Variants in MTSS1 observed in about 807,000 individuals in gnomAD.
MTSS1 encodes the protein MTSS I-BAR domain containing 1, also known as protein MTSS 1.
MTSS1 carries 18 observed loss-of-function variants against 79.0 expected under a neutral mutation model. The ratio of observed to expected loss-of-function variants is 0.23; its 90% CI spans 0.16 to 0.34. MTSS1 has a LOEUF of 0.34. Among genes scored for constraint, MTSS1 ranks in the 10% least tolerant of loss-of-function variants. MTSS1 has a pLI of 1.00. For missense variants in MTSS1, 815 were observed against 986.2 expected (o/e 0.83, Z 2.33); for synonymous variants, 341 against 368.6 (o/e 0.93, Z 0.86).
In MTSS1 at chr8:124,654,168, C is replaced by T. The variant is rs142866828; in HGVS notation, c.208+45358G>A. On this transcript the variant is annotated intron_variant, in intron 3 of 13. Coordinates refer to ENST00000518547, the MANE Select transcript of MTSS1 (RefSeq NM_014751.6). ...GAGGAGCAAGTTCCTCAAGCCTCGA[C>T]TCCAAAGAAAGGAGGGACAGGCCTG... Among the ~76,000 whole-genome samples the T allele has an allele frequency of 3.9e-5, 6 of 152,316 alleles. No individual in the cohort carries two copies. In the East Asian group the frequency reaches 1.2e-3, roughly 29 times the overall value.
At chr8:124,637,779 A>G (rs1392161763) in intron 3 of MTSS1, among the ~76,000 whole-genome samples, 15 of 152,238 alleles carry the variant, frequency 9.9e-5, no homozygotes, top group Non-Finnish European at 2.9e-5. Context: ...CAAGCTAAAC[A>G]GCTGTTTTTT....
At chr8:124,645,308 G>A (rs972464901) in intron 3 of MTSS1, among the ~76,000 whole-genome samples, 1 of 152,182 alleles carries the variant, frequency 6.6e-6, no homozygotes, top group Admixed American at 6.5e-5. Flanking sequence ...CGGGAGGACT[G>A]TTTGAGCCCA....
intron 5 of MTSS1, among the ~76,000 whole-genome samples, chr8:124,588,944 G>A (rs140043156): frequency 8.1e-4 from 122 of 150,246 alleles, no homozygotes; most frequent in African/African-American, 2.7e-3. Flanking sequence ...CAGACTCCTG[G>A]ACTCAAGTGA....
chr8:124,558,945 G>C (rs1024052363), intron 10 of MTSS1: 70 of 1,342,846 alleles, frequency 5.2e-5, no homozygotes, highest in Admixed American at 1.1e-4. Flanking sequence ...GGCACACACA[G>C]AGAGAAAGAG....
intron 3 of MTSS1, among the ~76,000 whole-genome samples, chr8:124,693,560 T>A (rs1242022477): frequency 1.3e-5 from 2 of 152,178 alleles, no homozygotes; most frequent in Non-Finnish European, 2.9e-5. Context: ...TTCACCAACA[T>A]GCTTCACCAA....
At chr8:124,705,462 C>G (rs12543812) in intron 1 of MTSS1, among the ~76,000 whole-genome samples, 37,575 of 151,896 alleles carry the variant, frequency 0.25, 5,310 homozygotes, top group African/African-American at 0.38. Flanking sequence ...CAGAGCAACA[C>G]TCCGTCTCAA....
chr8:124,594,749 A>T (rs2132784395), intron 3 of MTSS1, among the ~76,000 whole-genome samples: 1 of 152,344 alleles, frequency 6.6e-6, no homozygotes, highest in South Asian at 2.1e-4. Context: ...TGTGGACCCC[A>T]GGACTGAGCT....
intron 3 of MTSS1, among the ~76,000 whole-genome samples, chr8:124,671,120 G>A (rs542304858): frequency 1.3e-5 from 2 of 151,146 alleles, no homozygotes; most frequent in South Asian, 4.2e-4. Flanking sequence ...TCCAACCACT[G>A]CCTTTCTAAA....
intron 7 of MTSS1, chr8:124,567,521 C>G: frequency 9.3e-7 from 1 of 1,074,194 alleles, no homozygotes; most frequent in Non-Finnish European, 1.3e-6. Flanking sequence ...TACTGTGGCC[C>G]TTTTCTGAAG....
chr8:124,705,103 G>T (rs1206885832), intron 1 of MTSS1, among the ~76,000 whole-genome samples: 1 of 152,150 alleles, frequency 6.6e-6, no homozygotes, highest in Non-Finnish European at 1.5e-5. Flanking sequence ...CACCAACCAA[G>T]AGGTGACTCA....
At chr8:124,611,955 C>T (rs570686763) in intron 3 of MTSS1, among the ~76,000 whole-genome samples, 2 of 152,354 alleles carry the variant, frequency 1.3e-5, no homozygotes, top group South Asian at 4.1e-4. Context: ...AGCTCTGCTG[C>T]CTGTGGGGCT....
chr8:124,599,326 A>G lies in MTSS1; in HGVS notation c.209-8091T>C, dbSNP rs113324905. ...TGGTGAAACCCTGTCTCTACTAAAAATACAAAAATTAGCCAGCACGGTGGT... is the reference window on the plus strand; with the variant it reads ...TGGTGAAACCCTGTCTCTACTAAAAGTACAAAAATTAGCCAGCACGGTGGT... On this transcript the variant is annotated intron_variant, in intron 3 of 13. Transcript: ENST00000518547. 2.5e-3 allele frequency among the ~76,000 whole-genome samples: 376 copies of G among 152,228 alleles called. 2 individuals are homozygous for G. The highest frequency in any genetic ancestry group is 8.7e-3 in the African/African-American group (362 of 41,552).
At chr8:124,554,912 TG>T (rs1321839172) in intron 13 of MTSS1, among the ~76,000 whole-genome samples, 1 of 152,050 alleles carries the variant, frequency 6.6e-6, no homozygotes, top group Non-Finnish European at 1.5e-5. Flanking sequence ...GATGCAGTCA[TG>T]GATCACTGCA....
At chr8:124,680,758 T>A (rs1826000182) in intron 3 of MTSS1, among the ~76,000 whole-genome samples, 1 of 152,184 alleles carries the variant, frequency 6.6e-6, no homozygotes, top group Non-Finnish European at 1.5e-5. Context: ...TGTTGCCAAG[T>A]AGTGTTTCTA....
At chr8:124,655,537 C>T (rs926159733) in intron 3 of MTSS1, among the ~76,000 whole-genome samples, 10 of 152,180 alleles carry the variant, frequency 6.6e-5, no homozygotes, top group Non-Finnish European at 1.0e-4. Context: ...TCTGGCACCA[C>T]GCCATGCGCA....
chr8:124,716,754 C>G (rs549945962), intron 1 of MTSS1, among the ~76,000 whole-genome samples: 16 of 152,184 alleles, frequency 1.1e-4, no homozygotes, highest in South Asian at 8.3e-4. Context: ...CCCTTGGAAG[C>G]AGGGGTGCCA....
At position 124,555,832 on chromosome 8, in the gene MTSS1, T is replaced by C. The variant is rs767995900; in HGVS notation, c.1477A>G (p.Arg493Gly). The change falls in exon 13 of 14, where the codon AGG becomes GGG. Residue 493 changes from arginine (R) to glycine (G), a missense_variant. By Grantham distance (125) the Arg-to-Gly change is moderately radical. Transcript: ENST00000518547. Reference sequence around the variant, plus strand: ...CACTGAAGCGAGTCCCGGCTGCTCCTCTGGGTGTCCAGCTGCAGGCCCCGA... The same window carrying C: ...CACTGAAGCGAGTCCCGGCTGCTCCCCTGGGTGTCCAGCTGCAGGCCCCGA... ...LSRGLQLDTQ[R>G]SSRDSLQCSS... 2 of 1,613,446 alleles carry C rather than the reference T, an allele frequency of 1.2e-6. No individual in the cohort carries two copies. Among genetic ancestry groups the C allele is most frequent in the Non-Finnish European group, 8.5e-7 (1 of 1,179,960 alleles).
intron 3 of MTSS1, among the ~76,000 whole-genome samples, chr8:124,612,265 A>G (rs895788167): frequency 1.3e-5 from 2 of 152,228 alleles, no homozygotes; most frequent in Non-Finnish European, 2.9e-5. Flanking sequence ...CAATGGCAGG[A>G]GCAGACACAT....
chr8:124,720,009 A>G (rs901125099), intron 1 of MTSS1, among the ~76,000 whole-genome samples: 1 of 152,210 alleles, frequency 6.6e-6, no homozygotes, highest in African/African-American at 2.4e-5. Context: ...ACCACTTTTT[A>G]AGGTAGGATA....
Sources: allele counts gnomAD v4.1 joint callset (sites outside exome capture counted in the v4.1 genomes callset), GRCh38; gene constraint gnomAD v4.1.1; transcripts MANE v1.5; gene names NCBI Gene and HGNC (gene_info 2026-07-23, HGNC 2026-07-21).